Variants in SORL1 observed in about 807,000 individuals in gnomAD.
The protein encoded by SORL1 is sortilin-related receptor.
SORL1 carries 127 observed loss-of-function variants against 273.7 expected under a neutral mutation model. The observed-to-expected ratio is 0.46, with a 90% CI of 0.40 to 0.54. SORL1 has a LOEUF of 0.54. Among genes scored for constraint, SORL1 ranks in the 20% least tolerant of loss-of-function variants. The pLI, the probability that SORL1 is intolerant of heterozygous loss-of-function variation, is 0.00. For missense variants in SORL1, 2,494 were observed against 2,846.1 expected (o/e 0.88, Z 2.81); for synonymous variants, 1,031 against 1,067.4 (o/e 0.97, Z 0.66).
rs183092942 is a variant in SORL1 at position 121,517,098 on chromosome 11, T to C, written c.1211+2777T>C. On this transcript the variant is annotated intron_variant, in intron 8 of 47. Transcript: ENST00000260197. ...GAGGTGAAATGTATATAACATCAGC[T>C]TAACTGTTTTAAAGTGGGCAATTCA... Among the ~76,000 whole-genome samples the C allele has an allele frequency of 1.6e-4, 25 of 152,256 alleles. 1 individual carries two copies. Among genetic ancestry groups the C allele is most frequent in the Admixed American group, 1.4e-3 (22 of 15,288 alleles).
intron 3 of SORL1, among the ~76,000 whole-genome samples, chr11:121,480,389 A>T (rs78628283): frequency 6.6e-6 from 1 of 152,102 alleles, no homozygotes; most frequent in Admixed American, 6.5e-5. Flanking sequence ...CAGCAAACTA[A>T]TAACACCTGG....
At chr11:121,559,498 G>A in intron 20 of SORL1, 21 bp from the exon 21 acceptor site, 7 of 1,610,276 alleles carry the variant, frequency 4.3e-6, no homozygotes, top group Non-Finnish European at 5.1e-6. Context: ...CTGGACTAAT[G>A]GGCAAAGGTT....
At chr11:121,561,690 G>GAAA (rs34672730) in intron 21 of SORL1, among the ~76,000 whole-genome samples, 12 of 109,890 alleles carry the variant, frequency 1.1e-4, no homozygotes, top group Non-Finnish European at 1.2e-4. Context: ...CCCTGTCACC[G>GAAA]AAAAAAAAAA....
In SORL1 at chr11:121,612,809, G is replaced by A. The variant is rs530863434; in HGVS notation, c.5396G>A (p.Arg1799Gln). Residue 1799 changes from arginine (R) to glutamine (Q), a missense_variant, in exon 40 of 48, where the codon CGA becomes CAA. Physicochemically the swap from Arg to Gln is conservative, Grantham distance 43. Around this residue, in one of 3 missense-constraint regions of SORL1, gnomAD observed 1,609 missense variants for 1,816.4 expected, o/e 0.89. Coordinates refer to ENST00000260197, the MANE Select transcript of SORL1 (RefSeq NM_003105.6). The stretch of plus-strand genomic sequence containing the variant: ...CAAGAGAGGAGAACTTTGAACTTCC[G>A]AGGAAGCATATTGTCACACAAAGGT... The part of the protein sequence containing the change: ...HKQERRTLNF[R>Q]GSILSHKVGN... 9.5e-5 allele frequency: 154 copies of A among 1,613,758 alleles called. No homozygotes were observed. Among genetic ancestry groups the A allele is most frequent in the Non-Finnish European group, 1.2e-4 (142 of 1,179,706 alleles).
intron 1 of SORL1, among the ~76,000 whole-genome samples, chr11:121,453,862 A>C (rs1029060390): frequency 6.6e-6 from 1 of 152,228 alleles, no homozygotes; most frequent in Non-Finnish European, 1.5e-5. Flanking sequence ...GCTTGACTGC[A>C]GTCACCCTGT....
At chr11:121,469,325 T>C (rs1022103898) in intron 1 of SORL1, among the ~76,000 whole-genome samples, 13 of 152,284 alleles carry the variant, frequency 8.5e-5, no homozygotes, top group Non-Finnish European at 1.6e-4. Flanking sequence ...AGGAAAGAGA[T>C]TGAGAGAGTA....
chr11:121,568,377 T>C (rs954847949), intron 22 of SORL1, among the ~76,000 whole-genome samples: 1 of 152,204 alleles, frequency 6.6e-6, no homozygotes, highest in South Asian at 2.1e-4. Flanking sequence ...TGGAAAGAAA[T>C]AGAATCAACA....
chr11:121,495,043 G>C (rs1435790429), intron 5 of SORL1, among the ~76,000 whole-genome samples: 2 of 152,102 alleles, frequency 1.3e-5, no homozygotes, highest in Non-Finnish European at 2.9e-5. Flanking sequence ...CCAGATTGTA[G>C]GGCAAAACTC....
At chr11:121,523,338 A>G (rs1461881355) in intron 11 of SORL1, among the ~76,000 whole-genome samples, 1 of 152,146 alleles carries the variant, frequency 6.6e-6, no homozygotes, top group Non-Finnish European at 1.5e-5. Flanking sequence ...TGTATCAGCA[A>G]ATTATAGCGT....
At chr11:121,532,616 A>T in intron 12 of SORL1, 64 bp downstream of exon 12, 1 of 1,341,510 alleles carries the variant, frequency 7.5e-7, no homozygotes, top group Non-Finnish European at 1.1e-6. Flanking sequence ...GTCTGTGATT[A>T]TAATTGGATT....
chr11:121,472,456 G>C (rs1250671780), intron 2 of SORL1, among the ~76,000 whole-genome samples: 1 of 152,202 alleles, frequency 6.6e-6, no homozygotes, highest in Non-Finnish European at 1.5e-5. Context: ...GAAGGTCGGG[G>C]CTGATGAGAA....
In SORL1 at chr11:121,499,907, GA is replaced by G. The variant is rs1331055689; in HGVS notation, c.939+2860del. ...CTCTTTTGCTTCCTTCCAGCACCAT[GA>G]ATGATTACAGTCCTTTGCAAGCTAC... is the stretch of plus-strand genomic sequence containing the variant. On this transcript the variant is annotated intron_variant, in intron 6 of 47. Coordinates refer to ENST00000260197, the MANE Select transcript of SORL1 (RefSeq NM_003105.6). Among the ~76,000 whole-genome samples the G allele has an allele frequency of 2.0e-5, 3 of 152,332 alleles. No individual in the cohort carries two copies. In the East Asian group the frequency reaches 5.8e-4, roughly 29 times the overall value.
chr11:121,590,938 T>TATTTGGTCTAAGATC, intron 30 of SORL1, 63 bp from the exon 31 acceptor site: 1 of 1,586,258 alleles, frequency 6.3e-7, no homozygotes, highest in East Asian at 2.2e-5. Flanking sequence ...GTTTGGGACA[T>TATTTGGTCTAAGATC]ATTTGGTCTA....
rs766845179 is a variant in SORL1, at chr11:121,619,932, C to G, written c.5889+15C>G. The G allele has an allele frequency of 6.2e-7, 1 of 1,606,432 alleles. No homozygotes were observed. The highest frequency in any genetic ancestry group is 1.3e-5 in the African/African-American group (1 of 74,726). Reference sequence around the variant, plus strand: ...ACCAGGACTTGGTGAGTGGGTTGGGCTTCCAGGCCTCTTTGTTTATTCCTG... The same window carrying G: ...ACCAGGACTTGGTGAGTGGGTTGGGGTTCCAGGCCTCTTTGTTTATTCCTG... On this transcript the variant is annotated intron_variant, in intron 43 of 47. Coordinates refer to ENST00000260197, the MANE Select transcript of SORL1 (RefSeq NM_003105.6).
At position 121,582,952 on chromosome 11, in the gene SORL1, G is replaced by A. The variant is rs976617773; in HGVS notation, c.3581-506G>A. Among the ~76,000 whole-genome samples the A allele has an allele frequency of 4.6e-5, 7 of 152,118 alleles. 1 individual carries two copies. The highest frequency in any genetic ancestry group is 1.9e-4 in the East Asian group (1 of 5,188). ...GTGAATTTGAGATCACCACACAGTG[G>A]CTGCACCAGGTCCAGGACTCCGTCT... On this transcript the variant is annotated intron_variant, in intron 25 of 47. Transcript: ENST00000260197.
At chr11:121,576,888 T>A (rs754806523) in intron 24 of SORL1, 3 of 1,535,690 alleles carry the variant, frequency 2.0e-6, no homozygotes, top group Middle Eastern at 1.7e-4. Context: ...AACCACAGGC[T>A]GTGTCTGTAG....
rs1009666689 is a variant in SORL1 at position 121,630,425 on chromosome 11, G to T, written c.*862G>T. 2 of 152,176 alleles carry T rather than the reference G, an allele frequency of 1.3e-5. No homozygotes were observed. Among genetic ancestry groups the T allele is most frequent in the South Asian group, 2.1e-4 (1 of 4,826 alleles). The allele number at this position is 152,176 out of a possible 1,614,324, so 9.4% of individuals were successfully genotyped here. ...CATTGCAAAAACTTACCCTGGTTGT[G>T]GGGGAGAGTTCTAGATCTGTGCCAT... On this transcript the variant is annotated 3_prime_UTR_variant, in exon 48 of 48. Coordinates refer to ENST00000260197, the MANE Select transcript of SORL1 (RefSeq NM_003105.6).
chr11:121,538,511 A>T (rs1444241743), intron 12 of SORL1, among the ~76,000 whole-genome samples: 2 of 152,274 alleles, frequency 1.3e-5, no homozygotes, highest in East Asian at 3.9e-4. Flanking sequence ...AGTTCACTTT[A>T]ACTAAAATAC....
At chr11:121,602,176 C>T (rs1591348037) in intron 32 of SORL1, among the ~76,000 whole-genome samples, 1 of 152,272 alleles carries the variant, frequency 6.6e-6, no homozygotes, top group East Asian at 1.9e-4. Context: ...TTGTCATGAG[C>T]TTCCCCCCAC....
Sources: allele counts gnomAD v4.1 joint callset (sites outside exome capture counted in the v4.1 genomes callset), GRCh38; gene constraint gnomAD v4.1.1; regional missense constraint gnomAD v4.1.1; transcripts MANE v1.5; gene names NCBI Gene and HGNC (gene_info 2026-07-23, HGNC 2026-07-21).